MYO18B: variants seen among roughly 807,000 people sequenced by gnomAD.
MYO18B encodes unconventional myosin-XVIIIb.
In MYO18B, 204 loss-of-function variants were observed where a neutral mutation model predicts 273.0. That is an observed-to-expected ratio of 0.75 (90% confidence interval 0.67 to 0.84). The LOEUF (loss-of-function observed/expected upper bound fraction) is 0.84. MYO18B is among the 40% of genes least tolerant of loss of function. MYO18B has a pLI of 0.00. For missense variants in MYO18B, 3,212 were observed against 3,287.6 expected (o/e 0.98, Z 0.56); for synonymous variants, 1,330 against 1,305.7 (o/e 1.02, Z -0.40).
At chr22:25,792,402 C>T (rs1197008726) in intron 11 of MYO18B, among the ~76,000 whole-genome samples, 4 of 151,254 alleles carry the variant, frequency 2.6e-5, no homozygotes, top group Admixed American at 6.6e-5. Context: ...CAGCTCCTGG[C>T]TGTGGACTGA....
intron 34 of MYO18B, among the ~76,000 whole-genome samples, chr22:25,937,179 G>C (rs998446539): frequency 5.3e-5 from 8 of 152,030 alleles, no homozygotes; most frequent in Non-Finnish European, 1.0e-4. Flanking sequence ...TGCTTCCTGG[G>C]TTCAAGCAGT....
chr22:25,925,776 A>G (rs2092411655), intron 34 of MYO18B, among the ~76,000 whole-genome samples: 2 of 151,358 alleles, frequency 1.3e-5, no homozygotes, highest in African/African-American at 2.4e-5. Flanking sequence ...GTGGTGGTGC[A>G]TGACTGTAAT....
In MYO18B at chr22:25,779,777, T is replaced by G. The variant is rs5761172; in HGVS notation, c.2069-279T>G. Among the ~76,000 whole-genome samples, 16,363 of 113,980 alleles carry G rather than the reference T, an allele frequency of 0.14. 2,213 individuals are homozygous for G. Among genetic ancestry groups the G allele is most frequent in the African/African-American group, 0.35 (13,051 of 37,646 alleles). 74.8% of individuals were successfully genotyped at this position (113,980 alleles called of 152,430 possible). A position where few individuals can be genotyped will look rare whatever the true frequency, so the allele number is the denominator to read the frequency against. On this transcript the variant is annotated intron_variant, in intron 8 of 43. Coordinates refer to ENST00000335473, the MANE Select transcript of MYO18B (RefSeq NM_032608.7). ...AGGGCAGCCTCTGTTACCCAGATTG[T>G]GCCTAGCCCTGGCCCTTCTAGATTG...
At chr22:25,989,763 G>A (rs1315922023) in intron 39 of MYO18B, among the ~76,000 whole-genome samples, 2 of 111,434 alleles carry the variant, frequency 1.8e-5, no homozygotes, top group African/African-American at 7.1e-5. Context: ...GTGAGACTCC[G>A]TCTCAAAAAA....
chr22:25,888,650 C>T (rs912934279), intron 25 of MYO18B, among the ~76,000 whole-genome samples: 1 of 44,760 alleles, frequency 2.2e-5, no homozygotes, highest in African/African-American at 6.4e-4. Context: ...AGAGAAAGCT[C>T]CCATGCTGGA....
At chr22:25,950,518 A>ATG (rs59002655) in intron 37 of MYO18B, 68 bp downstream of exon 37, 7,728 of 605,632 alleles carry the variant, frequency 0.013, 63 homozygotes, top group East Asian at 0.073. Flanking sequence ...AACTAATAGG[A>ATG]TGTGTGTGTG....
At chr22:25,882,867 G>A (rs2091384098) in intron 25 of MYO18B, among the ~76,000 whole-genome samples, 1 of 152,004 alleles carries the variant, frequency 6.6e-6, no homozygotes, top group African/African-American at 2.4e-5. Context: ...TATTCATGAG[G>A]TCATTACTCT....
intron 34 of MYO18B, among the ~76,000 whole-genome samples, chr22:25,935,998 G>A (rs1197927593): frequency 6.6e-6 from 1 of 152,174 alleles, no homozygotes; most frequent in Non-Finnish European, 1.5e-5. Flanking sequence ...CTCAGTACAC[G>A]ACATGTGTCG....
intron 22 of MYO18B, among the ~76,000 whole-genome samples, chr22:25,871,710 G>A (rs2091049669): frequency 6.6e-6 from 1 of 152,072 alleles, no homozygotes; most frequent in Admixed American, 6.6e-5. Flanking sequence ...TTGTGCTGAG[G>A]GCCATGGCAT....
intron 9 of MYO18B, among the ~76,000 whole-genome samples, chr22:25,780,904 T>G (rs2087121629): frequency 6.6e-6 from 1 of 152,130 alleles, no homozygotes; most frequent in African/African-American, 2.4e-5. Flanking sequence ...ACATGGCCTG[T>G]TTGTTCCTAT....
At chr22:25,746,658 G>C (rs970480216) in intron 1 of MYO18B, among the ~76,000 whole-genome samples, 9 of 152,206 alleles carry the variant, frequency 5.9e-5, no homozygotes. Context: ...GGAATCCTCT[G>C]TATCTGTGCT....
Position 26,026,791 on chromosome 22 carries a change from G to A in MYO18B, c.6817G>A (p.Glu2273Lys). 6.2e-7 allele frequency: 1 copy of A among 1,603,934 alleles called. No homozygotes were observed. The part of the protein sequence containing the change: ...QRGQGSTLGL[E>K]DWPTLPIYQT... ...AGGCCAGGGGTCCACGCTGGGCCTA[G>A]AGGACTGGCCCACTCTCCCCATTTA... Residue 2273 changes from glutamate to lysine, a missense_variant, in exon 43 of 44, where the codon GAG becomes AAG. By Grantham distance (56) the Glu-to-Lys change is moderately conservative. Transcript: ENST00000335473.
intron 26 of MYO18B, 87 bp from the exon 27 acceptor site, chr22:25,891,217 C>A: frequency 9.7e-7 from 1 of 1,027,684 alleles, no homozygotes; most frequent in Non-Finnish European, 1.5e-6. Context: ...GGTGGCCAAT[C>A]CGAGCCTTGG....
In MYO18B at chr22:25,835,458, G is replaced by A. The variant is rs773741436; in HGVS notation, c.3208+15G>A. 1.9e-6 allele frequency: 3 copies of A among 1,613,378 alleles called. No individual in the cohort carries two copies. In the South Asian group the frequency reaches 3.3e-5, roughly 18 times the overall value. Reference sequence around the variant, plus strand: ...TGGGACTGAAGGTAAGGAAGCAGGGGGCTGGGGATGGGGCCTGAGTCCAGC... The same window carrying A: ...TGGGACTGAAGGTAAGGAAGCAGGGAGCTGGGGATGGGGCCTGAGTCCAGC... On this transcript the variant is annotated intron_variant, in intron 17 of 43. Transcript: ENST00000335473.
intron 18 of MYO18B, among the ~76,000 whole-genome samples, chr22:25,845,747 A>C (rs2090222084): frequency 6.6e-6 from 1 of 152,226 alleles, no homozygotes; most frequent in Non-Finnish European, 1.5e-5. Flanking sequence ...CTGGTCTAGG[A>C]ATAGCAGAGA....
the MYO18B span, among the ~76,000 whole-genome samples, chr22:26,049,018 G>A: frequency 2.0e-5 from 3 of 152,048 alleles, no homozygotes; most frequent in Non-Finnish European, 4.4e-5. Flanking sequence ...CATGACATGA[G>A]TTTACCTACA....
At chr22:25,880,788 T>C (rs1245836811) in intron 25 of MYO18B, among the ~76,000 whole-genome samples, 1 of 152,100 alleles carries the variant, frequency 6.6e-6, no homozygotes, top group East Asian at 1.9e-4. Context: ...GAGGTGACAG[T>C]GATGGAGGTT....
At chr22:25,994,596 C>T (rs1187297207) in intron 40 of MYO18B, among the ~76,000 whole-genome samples, 3 of 152,220 alleles carry the variant, frequency 2.0e-5, no homozygotes, top group African/African-American at 4.8e-5. Context: ...CCCGCTATTC[C>T]CTGCTAATTG....
intron 12 of MYO18B, among the ~76,000 whole-genome samples, chr22:25,819,589 A>G (rs1180481892): frequency 6.6e-6 from 1 of 152,218 alleles, no homozygotes; most frequent in African/African-American, 2.4e-5. Context: ...ATCTAATGAC[A>G]TTATTGTGCT....
Sources: allele counts gnomAD v4.1 joint callset (sites outside exome capture counted in the v4.1 genomes callset), GRCh38; gene constraint gnomAD v4.1.1; transcripts MANE v1.5; gene names NCBI Gene and HGNC (gene_info 2026-07-23, HGNC 2026-07-21).